Variants in ADGRL4 observed in about 807,000 individuals in gnomAD.
ADGRL4 encodes the protein adhesion G protein-coupled receptor L4.
ADGRL4 carries 90 observed loss-of-function variants against 74.8 expected under a neutral mutation model. The ratio of observed to expected loss-of-function variants is 1.20; its 90% CI spans 1.02 to 1.43. ADGRL4 has a LOEUF of 1.43. Ranked by LOEUF, ADGRL4 falls within the 40% of genes most tolerant of loss-of-function variation. The pLI, the probability that ADGRL4 is intolerant of heterozygous loss-of-function variation, is 0.00. For missense variants in ADGRL4, 881 were observed against 814.3 expected, an observed-to-expected ratio of 1.08 and a Z score of -1.00; for synonymous variants, 311 against 279.2, an observed-to-expected ratio of 1.11 and a Z score of -1.14.
intron 1 of ADGRL4, among the ~76,000 whole-genome samples, chr1:79,005,835 G>A (rs1443155308): frequency 1.3e-5 from 2 of 150,980 alleles, no homozygotes; most frequent in South Asian, 4.2e-4. Context: ...TTTCCATTAG[G>A]GGAAATTTAA....
chr1:78,998,464 G>C (rs1650767832), intron 2 of ADGRL4, among the ~76,000 whole-genome samples: 1 of 148,828 alleles, frequency 6.7e-6, no homozygotes, highest in Non-Finnish European at 1.5e-5. Context: ...CTGCCTCCTG[G>C]GCTCAAGCGA....
chr1:78,935,443 C>T (rs550559838), intron 7 of ADGRL4, among the ~76,000 whole-genome samples: 1 of 151,216 alleles, frequency 6.6e-6, no homozygotes, highest in East Asian at 2.0e-4. Context: ...AGGACTGGGT[C>T]AATAGCTGAG....
chr1:78,959,199 C>A (rs142774094), intron 2 of ADGRL4, among the ~76,000 whole-genome samples: 216 of 152,238 alleles, frequency 1.4e-3, no homozygotes, highest in African/African-American at 5.0e-3. Flanking sequence ...ACCAAATTTA[C>A]AATATCTCTG....
chr1:78,893,075 A>AAAAAT, intron 13 of ADGRL4, 23 bp downstream of exon 13: 1 of 1,386,038 alleles, frequency 7.2e-7, no homozygotes, highest in Non-Finnish European at 9.8e-7. Flanking sequence ...AAAAAAAAAA[A>AAAAAT]GTGAACTTAA....
intron 3 of ADGRL4, among the ~76,000 whole-genome samples, chr1:78,940,749 G>A (rs147884659): frequency 0.012 from 1,788 of 152,188 alleles, 31 homozygotes; most frequent in African/African-American, 0.04. Flanking sequence ...TAGAAAAAGG[G>A]TGTGTAACCA....
intron 2 of ADGRL4, among the ~76,000 whole-genome samples, chr1:78,972,293 C>T (rs1650186913): frequency 6.6e-6 from 1 of 152,088 alleles, no homozygotes. Flanking sequence ...AGTATGAATG[C>T]TTAGCTCTAA....
At chr1:78,959,467 A>G (rs532632937) in intron 2 of ADGRL4, among the ~76,000 whole-genome samples, 113 of 152,234 alleles carry the variant, frequency 7.4e-4, no homozygotes, top group Non-Finnish European at 1.2e-3. Context: ...TTTAAACCGG[A>G]CTCAGTCATT....
intron 8 of ADGRL4, among the ~76,000 whole-genome samples, chr1:78,926,683 C>A (rs1649120894): frequency 6.6e-6 from 1 of 151,846 alleles, no homozygotes; most frequent in Non-Finnish European, 1.5e-5. Flanking sequence ...TAATGAATTC[C>A]TTGGTATTAA....
At chr1:78,970,776 AG>A (rs1488632253) in intron 2 of ADGRL4, among the ~76,000 whole-genome samples, 1 of 152,138 alleles carries the variant, frequency 6.6e-6, no homozygotes, top group Non-Finnish European at 1.5e-5. Flanking sequence ...CTTCACAGAT[AG>A]GCAATTGTGT....
chr1:78,990,414 A>G (rs774916821), intron 2 of ADGRL4, among the ~76,000 whole-genome samples: 3 of 151,936 alleles, frequency 2.0e-5, no homozygotes, highest in African/African-American at 4.8e-5. Context: ...GCTATCACCA[A>G]TAATTGATAA....
intron 2 of ADGRL4, among the ~76,000 whole-genome samples, chr1:78,950,786 G>A (rs1313876743): frequency 6.6e-6 from 1 of 152,048 alleles, no homozygotes; most frequent in Non-Finnish European, 1.5e-5. Flanking sequence ...TGAAGAGAGG[G>A]GAGCAGCAAA....
chr1:78,949,095 G>T (rs866686909), intron 2 of ADGRL4, among the ~76,000 whole-genome samples: 42 of 152,150 alleles, frequency 2.8e-4, no homozygotes, highest in African/African-American at 9.4e-4. Flanking sequence ...TAATATAGAG[G>T]ACGATGAGGA....
chr1:78,987,890 G>A (rs903355979), intron 2 of ADGRL4, among the ~76,000 whole-genome samples: 3 of 151,394 alleles, frequency 2.0e-5, no homozygotes, highest in African/African-American at 4.8e-5. Flanking sequence ...CAATCTTATT[G>A]CTCTATTGTC....
intron 2 of ADGRL4, among the ~76,000 whole-genome samples, chr1:78,968,505 G>T (rs1215067461): frequency 2.1e-5 from 3 of 143,226 alleles, no homozygotes; most frequent in African/African-American, 5.0e-5. Flanking sequence ...GAGGGCGGTG[G>T]GGGGGTGGGG....
Position 78,971,882 on chromosome 1 carries a change from A to G in ADGRL4, c.173-25456T>C, listed in dbSNP as rs1320798630. ...GTGGTTCTCCTGCCTCAGCCTCCCG[A>G]GTAGCTGGGATTACAGGCATGTGCC... On this transcript the variant is annotated intron_variant, in intron 2 of 14. Coordinates refer to ENST00000370742, the MANE Select transcript of ADGRL4 (RefSeq NM_022159.4). Among the ~76,000 whole-genome samples the G allele has an allele frequency of 2.6e-5, 4 of 152,152 alleles. No homozygotes were observed. In the South Asian group the frequency reaches 6.2e-4, roughly 24 times the overall value.
intron 12 of ADGRL4, among the ~76,000 whole-genome samples, chr1:78,916,924 A>G (rs553093880): frequency 2.6e-5 from 4 of 152,028 alleles, no homozygotes; most frequent in Non-Finnish European, 5.9e-5. Context: ...CTCTTCAGAC[A>G]TACAAAAATG....
At chr1:78,987,185 A>C (rs1374468195) in intron 2 of ADGRL4, among the ~76,000 whole-genome samples, 1 of 151,832 alleles carries the variant, frequency 6.6e-6, no homozygotes, top group African/African-American at 2.4e-5. Context: ...ACATGATTTA[A>C]GATAGCTACA....
intron 2 of ADGRL4, among the ~76,000 whole-genome samples, chr1:78,999,629 G>A (rs1650796403): frequency 6.6e-6 from 1 of 152,046 alleles, no homozygotes; most frequent in South Asian, 2.1e-4. Context: ...ATTCCTAGCA[G>A]CTTCAAAATA....
intron 2 of ADGRL4, among the ~76,000 whole-genome samples, chr1:78,976,738 T>C (rs1650291183): frequency 6.6e-6 from 1 of 150,656 alleles, no homozygotes; most frequent in South Asian, 2.1e-4. Flanking sequence ...CAGGAAGAAA[T>C]AATGTGAACA....
Sources: allele counts gnomAD v4.1 joint callset (sites outside exome capture counted in the v4.1 genomes callset), GRCh38; gene constraint gnomAD v4.1.1; transcripts MANE v1.5; gene names NCBI Gene and HGNC (gene_info 2026-07-23, HGNC 2026-07-21).